DNAH12: variants seen among roughly 807,000 people sequenced by gnomAD.
DNAH12 encodes dynein axonemal heavy chain 12, also known as axonemal beta dynein heavy chain 12.
Under a neutral mutation model 371.5 loss-of-function variants are expected in DNAH12, and 285 were observed. The ratio of observed to expected loss-of-function variants is 0.77; its 90% confidence interval spans 0.70 to 0.85. The LOEUF (loss-of-function observed/expected upper bound fraction) is 0.85, where lower values mean the gene tolerates loss of function less well. Ranked by LOEUF, DNAH12 falls within the 40% of genes least tolerant of loss-of-function variation. The probability of loss-of-function intolerance (pLI) is 0.00; values close to 1 mark genes in which losing one functional copy is unlikely to be tolerated. For missense variants in DNAH12, 3,611 were observed against 3,689.4 expected (o/e 0.98, Z 0.55); for synonymous variants, 1,200 against 1,213.0 (o/e 0.99, Z 0.22).
At chr3:57,353,042 C>T (rs936676148) in intron 59 of DNAH12, among the ~76,000 whole-genome samples, 4 of 151,896 alleles carry the variant, frequency 2.6e-5, no homozygotes, top group African/African-American at 7.3e-5. Flanking sequence ...TGTGAGATCA[C>T]GTCACTGCAC....
intron 12 of DNAH12, among the ~76,000 whole-genome samples, chr3:57,484,046 A>C (rs1441696393): frequency 6.6e-6 from 1 of 151,938 alleles, no homozygotes; most frequent in Non-Finnish European, 1.5e-5. Flanking sequence ...TACATGCAAA[A>C]TTATGGCATA....
rs2063271174 is a variant in DNAH12 at position 57,375,857 on chromosome 3, A to G, written c.8574T>C (p.Phe2858=). Residue 2858 remains phenylalanine (F), a synonymous_variant, in exon 54 of 74, where the codon TTT becomes TTC. Coordinates refer to ENST00000495027, the MANE Select transcript of DNAH12 (RefSeq NM_001366028.2). ...IAYLGAFTSG[F]RQTCTKDWSM... ...TCCAATCTTTTGTACATGTTTGTCG[A>G]AAGCCAGAAGTGAAAGCACCAAGGT... 1 of 152,178 alleles carries G rather than the reference A, an allele frequency of 6.6e-6. No individual in the cohort carries two copies. Among genetic ancestry groups the G allele is most frequent in the East Asian group, 1.9e-4 (1 of 5,206 alleles). The allele number at this position is 152,178 out of a possible 1,614,324, so 9.4% of individuals were successfully genotyped here. A position where few individuals can be genotyped will look rare whatever the true frequency, so the allele number is the denominator to read the frequency against.
chr3:57,517,837 C>T (rs1269905664), intron 4 of DNAH12, among the ~76,000 whole-genome samples: 1 of 151,628 alleles, frequency 6.6e-6, no homozygotes. Context: ...CCTTTCAGCT[C>T]AGGAGTGAGA....
chr3:57,426,210 T>A lies in DNAH12; in HGVS notation c.5254-1069A>T, dbSNP rs1355245982. Among the ~76,000 whole-genome samples the A allele has an allele frequency of 2.6e-5, 4 of 152,080 alleles. No homozygotes were observed. In the East Asian group the frequency reaches 7.7e-4, roughly 29 times the overall value. ...ATGAAAATAGGGTATGAAGGAGGGATGCCCAAAAATTAGGCTTGAGAAATA... is the reference window on the plus strand; with the variant it reads ...ATGAAAATAGGGTATGAAGGAGGGAAGCCCAAAAATTAGGCTTGAGAAATA... On this transcript the variant is annotated intron_variant, in intron 34 of 73. Transcript: ENST00000495027.
chr3:57,373,236 C>T (rs1158573899), intron 55 of DNAH12, among the ~76,000 whole-genome samples: 1 of 152,012 alleles, frequency 6.6e-6, no homozygotes, highest in African/African-American at 2.4e-5. Context: ...GAATATTTGT[C>T]CCAAGCTAGA....
chr3:57,418,853 A>C (rs1403530658), intron 37 of DNAH12, among the ~76,000 whole-genome samples: 3 of 152,188 alleles, frequency 2.0e-5, no homozygotes, highest in Non-Finnish European at 4.4e-5. Flanking sequence ...TGTTATTAAG[A>C]AAGTTGGTAT....
rs1159621191 is a variant in DNAH12 at position 57,390,424 on chromosome 3, A to AATAT, written c.7305+1444_7305+1447dup. Among the ~76,000 whole-genome samples the AATAT allele has an allele frequency of 1.5e-4, 5 of 33,438 alleles. 1 individual carries two copies. The highest frequency in any genetic ancestry group is 1.9e-4 in the African/African-American group (3 of 15,866). The allele number at this position is 33,438 out of a possible 152,430, so 21.9% of individuals were successfully genotyped here. ...ATCCTGTCTCAAAAAAAAAAAAAAA[A>AATAT]ATATATATATATATATATATATATA... On this transcript the variant is annotated intron_variant, in intron 45 of 73. Coordinates refer to ENST00000495027, the MANE Select transcript of DNAH12 (RefSeq NM_001366028.2).
In DNAH12 at chr3:57,474,031, T is replaced by C. The variant is rs72869854; in HGVS notation, c.1651-1360A>G. The stretch of plus-strand genomic sequence containing the variant: ...AACCTACAACAAATGTCATACTTAA[T>C]AGTGAAATCTTGAAAGCTTTCCCCT... On this transcript the variant is annotated intron_variant, in intron 13 of 73. Transcript: ENST00000495027. Among the ~76,000 whole-genome samples the C allele has an allele frequency of 4.4e-3, 668 of 152,226 alleles. 3 individuals carry two copies. Among genetic ancestry groups the C allele is most frequent in the African/African-American group, 0.015 (630 of 41,548 alleles).
At position 57,528,735 on chromosome 3, in the gene DNAH12, A is replaced by C. The variant is rs1575738154; in HGVS notation, c.171-4851T>G. Among the ~76,000 whole-genome samples, 2 of 151,808 alleles carry C rather than the reference A, an allele frequency of 1.3e-5. 1 individual carries two copies. Among genetic ancestry groups the C allele is most frequent in the South Asian group, 4.2e-4 (2 of 4,792 alleles). ...GAGCTAAACTCTGTCTCAAAAAAAAAAAAACAATATTAATTCTGCCAATAA... is the reference window on the plus strand; with the variant it reads ...GAGCTAAACTCTGTCTCAAAAAAAACAAAACAATATTAATTCTGCCAATAA... On this transcript the variant is annotated intron_variant, in intron 2 of 73. Coordinates refer to ENST00000495027, the MANE Select transcript of DNAH12 (RefSeq NM_001366028.2).
chr3:57,398,264 G>A (rs1460969487), intron 43 of DNAH12, among the ~76,000 whole-genome samples: 1 of 152,070 alleles, frequency 6.6e-6, no homozygotes, highest in Non-Finnish European at 1.5e-5. Flanking sequence ...AACAATAAAC[G>A]AAGGTGGAGC....
Position 57,523,838 on chromosome 3 carries a change from T to C in DNAH12, c.217A>G (p.Thr73Ala). Residue 73 changes from threonine to alanine, a missense_variant, in exon 3 of 74, where the codon ACA becomes GCA. Physicochemically the swap from Thr to Ala is moderately conservative, Grantham distance 58. Around this residue, in one of 3 missense-constraint regions of DNAH12, gnomAD observed 1,314 missense variants for 1,398.7 expected, o/e 0.94. Transcript: ENST00000495027. ...TAATCAGGTGGTGGTAATAGAGGTGTTCTTTTACCCAGTGTTCTGTCTAAA... is the reference window on the plus strand; with the variant it reads ...TAATCAGGTGGTGGTAATAGAGGTGCTCTTTTACCCAGTGTTCTGTCTAAA... Reference protein sequence around the residue: ...RNLDRTLGKRTPLLPPPDYPQ... With the variant: ...RNLDRTLGKRAPLLPPPDYPQ... 6 of 1,607,802 alleles carry C rather than the reference T, an allele frequency of 3.7e-6. No homozygotes were observed. The highest frequency in any genetic ancestry group is 5.1e-6 in the Non-Finnish European group (6 of 1,177,874).
At chr3:57,339,380 T>TA (rs59005430) in intron 60 of DNAH12, among the ~76,000 whole-genome samples, 2,117 of 113,314 alleles carry the variant, frequency 0.019, 15 homozygotes, top group Non-Finnish European at 0.023. Context: ...CAATAAATAC[T>TA]AAAAAAAAAA....
intron 12 of DNAH12, among the ~76,000 whole-genome samples, chr3:57,488,383 G>T (rs574850887): frequency 1.3e-5 from 2 of 151,936 alleles, no homozygotes; most frequent in Non-Finnish European, 2.9e-5. Flanking sequence ...TAGTAGAGAC[G>T]GGGTTTCACC....
chr3:57,421,856 CCA>C, intron 35 of DNAH12, 150 bp from the exon 36 acceptor site: 1 of 697,346 alleles, frequency 1.4e-6, no homozygotes, highest in Admixed American at 3.0e-5. Flanking sequence ...CACTGCTAAG[CCA>C]CATAGTCATT....
At chr3:57,528,979 T>C (rs2068745062) in intron 2 of DNAH12, among the ~76,000 whole-genome samples, 1 of 151,806 alleles carries the variant, frequency 6.6e-6, no homozygotes, top group South Asian at 2.1e-4. Context: ...TTTGTATTTT[T>C]AGTAGAGATG....
At chr3:57,420,810 G>A (rs9877290) in intron 36 of DNAH12, among the ~76,000 whole-genome samples, 51,246 of 150,666 alleles carry the variant, frequency 0.34, 9,093 homozygotes, top group South Asian at 0.46. Flanking sequence ...TCGGGAGGCT[G>A]AGGCAGGACA....
rs547530039 is a variant in DNAH12, at chr3:57,514,043, T to C, written c.280-3064A>G. Among the ~76,000 whole-genome samples the C allele has an allele frequency of 1.1e-4, 17 of 152,252 alleles. No individual in the cohort carries two copies. In the South Asian group the frequency reaches 3.5e-3, roughly 32 times the overall value. Reference sequence around the variant, plus strand: ...TGTTCTGTGCAGCAATAGTGAAAAATGAGAAAGATCTCTAAAAACTGATAT... The same window carrying C: ...TGTTCTGTGCAGCAATAGTGAAAAACGAGAAAGATCTCTAAAAACTGATAT... On this transcript the variant is annotated intron_variant, in intron 4 of 73. Transcript: ENST00000495027.
intron 69 of DNAH12, among the ~76,000 whole-genome samples, chr3:57,302,641 T>G (rs1240313758): frequency 7.4e-6 from 1 of 135,666 alleles, no homozygotes; most frequent in Admixed American, 7.9e-5. Flanking sequence ...AGCGGCATGA[T>G]CTCGGCTCAC....
chr3:57,375,589 T>C (rs2063265356), intron 54 of DNAH12, 73 bp from the exon 55 acceptor site: 1 of 152,110 alleles, frequency 6.6e-6, no homozygotes, highest in African/African-American at 2.4e-5. Context: ...AAAATATTGG[T>C]TTAGTTGTCA....
Sources: allele counts gnomAD v4.1 joint callset (sites outside exome capture counted in the v4.1 genomes callset), GRCh38; gene constraint gnomAD v4.1.1; regional missense constraint gnomAD v4.1.1; transcripts MANE v1.5; gene names NCBI Gene and HGNC (gene_info 2026-07-23, HGNC 2026-07-21).